Variants in HMGB1 observed in about 807,000 individuals in gnomAD.
HMGB1 encodes high mobility group protein B1.
For missense variants in HMGB1, 79 were observed against 253.5 expected (o/e 0.31, Z 4.67); for synonymous variants, 81 against 84.0 (o/e 0.96, Z 0.19).
At position 30,531,457 on chromosome 13, in the gene HMGB1, ACT is replaced by A. The variant is rs371685373; in HGVS notation, c.-14-67765_-14-67764del. 2.0e-4 allele frequency among the ~76,000 whole-genome samples: 30 copies of A among 150,326 alleles called. No individual in the cohort carries two copies. In the East Asian group the frequency reaches 4.5e-3, roughly 22 times the overall value. Reference sequence around the variant, plus strand: ...GTAGCGCACCCACGCTGGAAGTGGAACTCTCATAACAACCACTAACTACTCGG... The same window carrying A: ...GTAGCGCACCCACGCTGGAAGTGGAACTCATAACAACCACTAACTACTCGG... On this transcript the variant is annotated intron_variant, in intron 1 of 4. Transcript: ENST00000405805.
chr13:30,586,058 T>A (rs985200115), intron 1 of HMGB1, among the ~76,000 whole-genome samples: 1 of 152,140 alleles, frequency 6.6e-6, no homozygotes, highest in African/African-American at 2.4e-5. Context: ...TCCTGTTTTC[T>A]AATTTTTTTT....
chr13:30,586,695 GGCT>G (rs1465246721), intron 1 of HMGB1, among the ~76,000 whole-genome samples: 2 of 151,852 alleles, frequency 1.3e-5, no homozygotes, highest in African/African-American at 4.8e-5. Flanking sequence ...CATGTGTCCA[GGCT>G]GGTCTTAAAC....
intron 1 of HMGB1, among the ~76,000 whole-genome samples, chr13:30,572,305 G>A (rs989821765): frequency 1.3e-5 from 2 of 152,214 alleles, no homozygotes; most frequent in East Asian, 3.8e-4. Flanking sequence ...TTAGCTCTCA[G>A]AGACCGTTCA....
intron 1 of HMGB1, among the ~76,000 whole-genome samples, chr13:30,487,131 G>A (rs1042735542): frequency 6.6e-6 from 1 of 152,248 alleles, no homozygotes; most frequent in African/African-American, 2.4e-5. Flanking sequence ...TGCAGTGAAT[G>A]TGGTCTTGTG....
Position 30,478,871 on chromosome 13 carries a change from C to CTT in HMGB1, c.-14-15179_-14-15178dup, listed in dbSNP as rs3042542. ...TTTCTTTTTTCTTTTCTTTTCTTTT[C>CTT]TTTTTTTTTTTTTTTGAGACAGAGT... is the stretch of plus-strand genomic sequence containing the variant. On this transcript the variant is annotated intron_variant, in intron 1 of 4. Transcript: ENST00000405805. Among the ~76,000 whole-genome samples the CTT allele has an allele frequency of 8.5e-3, 1,067 of 126,126 alleles. 14 individuals carry two copies. The highest frequency in any genetic ancestry group is 0.013 in the Non-Finnish European group (781 of 59,582). The allele number at this position is 126,126 out of a possible 152,430, so 82.7% of individuals were successfully genotyped here. A position where few individuals can be genotyped will look rare whatever the true frequency, so the allele number is the denominator to read the frequency against.
chr13:30,538,479 T>C (rs1229462005), intron 1 of HMGB1, among the ~76,000 whole-genome samples: 2 of 32,312 alleles, frequency 6.2e-5, no homozygotes, highest in Non-Finnish European at 1.5e-4. Flanking sequence ...TCTTTCTTTC[T>C]TTCTTTCTTT....
chr13:30,533,121 T>C (rs989120031), intron 1 of HMGB1, among the ~76,000 whole-genome samples: 4 of 152,136 alleles, frequency 2.6e-5, no homozygotes, highest in Non-Finnish European at 5.9e-5. Context: ...GAGACCCAGA[T>C]TCACATGCAG....
At chr13:30,462,322 C>T in intron 4 of HMGB1, 2 of 581,364 alleles carry the variant, frequency 3.4e-6, no homozygotes, top group South Asian at 1.8e-5. Context: ...ACAAAACCAA[C>T]ATAAATGTAC....
intron 1 of HMGB1, among the ~76,000 whole-genome samples, chr13:30,569,330 AT>A (rs1304022956): frequency 5.9e-5 from 9 of 152,188 alleles, no homozygotes; most frequent in African/African-American, 2.2e-4. Flanking sequence ...ACTGTTTCTC[AT>A]TCCATAACTA....
chr13:30,505,170 CGTTGTTGTT>C (rs559515089), intron 1 of HMGB1, among the ~76,000 whole-genome samples: 4 of 148,458 alleles, frequency 2.7e-5, no homozygotes, highest in African/African-American at 1.0e-4. Context: ...TTGTTGTTGT[CGTTGTTGTT>C]GTTGTTGTTA....
chr13:30,506,473 G>A (rs890903510), intron 1 of HMGB1, among the ~76,000 whole-genome samples: 1 of 152,076 alleles, frequency 6.6e-6, no homozygotes, highest in Non-Finnish European at 1.5e-5. Context: ...TGACCCCTCT[G>A]TACCCCAGCC....
At chr13:30,581,462 C>T (rs182249149) in intron 1 of HMGB1, among the ~76,000 whole-genome samples, 3 of 152,338 alleles carry the variant, frequency 2.0e-5, no homozygotes, top group African/African-American at 2.4e-5. Context: ...TTCACACTGT[C>T]AATGGCTGCT....
chr13:30,488,484 C>CTCTTTTCTTT (rs60951167), intron 1 of HMGB1, among the ~76,000 whole-genome samples: 6 of 150,426 alleles, frequency 4.0e-5, no homozygotes, highest in Non-Finnish European at 5.9e-5. Context: ...TATCAACTTT[C>CTCTTTTCTTT]TCTTTTCTTT....
chr13:30,596,972 T>TGG, intron 1 of HMGB1, among the ~76,000 whole-genome samples: 1 of 152,220 alleles, frequency 6.6e-6, no homozygotes, highest in African/African-American at 2.4e-5. Context: ...TGGACCTACA[T>TGG]TTGAATACTG....
intron 1 of HMGB1, among the ~76,000 whole-genome samples, chr13:30,601,832 G>A (rs1278943215): frequency 6.7e-6 from 1 of 148,200 alleles, no homozygotes; most frequent in Non-Finnish European, 1.5e-5. Flanking sequence ...GCATTGTAGT[G>A]AAGTTGAAAT....
chr13:30,537,680 TATATATATATATATATAA>T lies in HMGB1; in HGVS notation c.-14-74004_-14-73987del, dbSNP rs1338153483. On this transcript the variant is annotated intron_variant, in intron 1 of 4. Transcript: ENST00000405805. ...ATATATATATATATATATATATATA[TATATATATATATATATAA>T]AATTGATGTATCCAATGTTAATGAG... is the stretch of plus-strand genomic sequence containing the variant. 6.9e-4 allele frequency among the ~76,000 whole-genome samples: 81 copies of T among 117,810 alleles called. 1 individual carries two copies. Among genetic ancestry groups the T allele is most frequent in the African/African-American group, 2.4e-3 (79 of 33,042 alleles). The allele number at this position is 117,810 out of a possible 152,430, so 77.3% of individuals were successfully genotyped here. A position where few individuals can be genotyped will look rare whatever the true frequency, so the allele number is the denominator to read the frequency against.
At chr13:30,592,410 A>C (rs892829822) in intron 1 of HMGB1, among the ~76,000 whole-genome samples, 6 of 152,178 alleles carry the variant, frequency 3.9e-5, no homozygotes, top group Admixed American at 3.9e-4. Flanking sequence ...CAGGTAATAT[A>C]ATTTAAGTTA....
At chr13:30,464,324 G>A (rs1886569349) in intron 1 of HMGB1, 1 of 985,296 alleles carries the variant, frequency 1.0e-6, no homozygotes, top group African/African-American at 1.7e-5. Context: ...TTTCTGTTCT[G>A]ACTAAACACG....
At chr13:30,462,174 G>A (rs999700502) in intron 4 of HMGB1, among the ~76,000 whole-genome samples, 1 of 152,104 alleles carries the variant, frequency 6.6e-6, no homozygotes, top group African/African-American at 2.4e-5. Flanking sequence ...AATGTTTCAG[G>A]ATATGACTAA....
Sources: gnomAD v4.1 joint callset for allele counts (sites outside exome capture counted in the v4.1 genomes callset) on GRCh38, gnomAD v4.1.1 for gene constraint, MANE v1.5 for transcripts, NCBI Gene and HGNC (gene_info 2026-07-23, HGNC 2026-07-21) for gene names.